The following GLIS1 variants were observed in gnomAD, a reference collection of about 807,000 sequenced individuals.
GLIS1 encodes the protein zinc finger protein GLIS1.
Under a neutral mutation model 63.8 loss-of-function variants are expected in GLIS1, and 24 were observed. The observed-to-expected ratio is 0.38, with a 90% CI of 0.27 to 0.53. The LOEUF is 0.53. GLIS1 is among the 20% of genes least tolerant of loss of function. GLIS1 has a pLI of 0.85. For missense variants in GLIS1, 1,036 were observed against 1,074.1 expected (o/e 0.96, Z 0.50); for synonymous variants, 450 against 482.5 (o/e 0.93, Z 0.88).
intron 2 of GLIS1, among the ~76,000 whole-genome samples, chr1:53,632,755 ATGAG>A (rs1645674101): frequency 7.3e-6 from 1 of 137,494 alleles, no homozygotes; most frequent in Non-Finnish European, 1.6e-5. Context: ...GGGCGTGTGT[ATGAG>A]TGTGACTGAG....
intron 4 of GLIS1, among the ~76,000 whole-genome samples, chr1:53,561,432 A>T (rs1221076679): frequency 6.6e-6 from 1 of 152,174 alleles, no homozygotes; most frequent in Admixed American, 6.5e-5. Context: ...AATCAGACCA[A>T]AGTGTGGGCA....
At chr1:53,705,400 G>A (rs1023378444) in intron 2 of GLIS1, among the ~76,000 whole-genome samples, 7 of 152,170 alleles carry the variant, frequency 4.6e-5, no homozygotes, top group Admixed American at 4.6e-4. Flanking sequence ...GGCAAGTGCT[G>A]ATCAATACAG....
At chr1:53,618,370 T>C (rs1224618768) in intron 2 of GLIS1, among the ~76,000 whole-genome samples, 1 of 152,204 alleles carries the variant, frequency 6.6e-6, no homozygotes, top group African/African-American at 2.4e-5. Flanking sequence ...AGAAGCCCTT[T>C]CTCTAAGATG....
chr1:53,677,475 T>C (rs1307376034), intron 2 of GLIS1, among the ~76,000 whole-genome samples: 3 of 152,216 alleles, frequency 2.0e-5, no homozygotes, highest in Admixed American at 2.0e-4. Flanking sequence ...CCTAAGCATG[T>C]TCCCAAAAGC....
At chr1:53,718,508 C>CA (rs1174597577) in intron 2 of GLIS1, among the ~76,000 whole-genome samples, 1 of 151,998 alleles carries the variant, frequency 6.6e-6, no homozygotes, top group African/African-American at 2.4e-5. Context: ...CTCAGGAAAA[C>CA]AAAAAATTGT....
In GLIS1 at chr1:53,506,759, C is replaced by T. The variant is rs1398434586; in HGVS notation, c.2248G>A (p.Glu750Lys). ...LPATGYEALA[E>K]ASCPTALPQQ... ...GGCAGCGCTGTGGGGCATGAGGCCT[C>T]AGCCAGGGCCTCATAGCCTGTGAGT... Residue 750 changes from glutamate to lysine, a missense_variant, in exon 11 of 11, where the codon GAG (glutamate) becomes AAG (lysine). Around this residue, in one of 3 missense-constraint regions of GLIS1, gnomAD observed 400 missense variants for 400.9 expected, o/e 1.00. Coordinates refer to ENST00000628545, the MANE Select transcript of GLIS1 (RefSeq NM_001367484.1). The T allele has an allele frequency of 6.2e-7, 1 of 1,611,276 alleles. No individual in the cohort carries two copies. The highest frequency in any genetic ancestry group is 1.7e-5 in the Admixed American group (1 of 60,028).
intron 2 of GLIS1, among the ~76,000 whole-genome samples, chr1:53,651,193 A>G (rs759679040): frequency 5.9e-5 from 9 of 152,334 alleles, no homozygotes; most frequent in Non-Finnish European, 4.4e-5. Flanking sequence ...TCATGTGCAC[A>G]TTGTTTGTGG....
intron 2 of GLIS1, among the ~76,000 whole-genome samples, chr1:53,694,618 C>T (rs1321374759): frequency 6.6e-6 from 1 of 152,206 alleles, no homozygotes; most frequent in Non-Finnish European, 1.5e-5. Flanking sequence ...GGGGTCCCAG[C>T]TCCACCTCCT....
At chr1:53,728,340 T>C (rs190496243) in intron 2 of GLIS1, among the ~76,000 whole-genome samples, 3 of 152,356 alleles carry the variant, frequency 2.0e-5, no homozygotes, top group African/African-American at 4.8e-5. Flanking sequence ...ATAATTATTA[T>C]AATCCCAAGA....
chr1:53,721,608 C>T (rs1197597612), intron 2 of GLIS1, among the ~76,000 whole-genome samples: 2 of 152,152 alleles, frequency 1.3e-5, no homozygotes, highest in African/African-American at 4.8e-5. Context: ...AGCTGCCTCT[C>T]TGGAGTGCGA....
rs908431804 is a variant in GLIS1, at chr1:53,666,675, G to A, written c.260-66397C>T. Among the ~76,000 whole-genome samples, 7 of 152,304 alleles carry A rather than the reference G, an allele frequency of 4.6e-5. No homozygotes were observed. The East Asian group carries it at 9.6e-4, about 21-fold the overall frequency. On this transcript the variant is annotated intron_variant, in intron 2 of 10. Transcript: ENST00000628545. ...CCCCAAAACCACCAGAAACACAGCA[G>A]AGAGAGGCAGTGAGCCCAGACAAGC...
intron 2 of GLIS1, among the ~76,000 whole-genome samples, chr1:53,709,294 T>G (rs1646613667): frequency 1.4e-5 from 2 of 141,726 alleles, no homozygotes; most frequent in South Asian, 4.7e-4. Context: ...TAGTATGAAG[T>G]AAATATAAAT....
At chr1:53,603,630 T>C (rs1422501787) in intron 2 of GLIS1, among the ~76,000 whole-genome samples, 1 of 152,186 alleles carries the variant, frequency 6.6e-6, no homozygotes, top group African/African-American at 2.4e-5. Flanking sequence ...TCCTGTTCAC[T>C]CTCCATCTCC....
At chr1:53,573,582 G>A (rs938098238) in intron 4 of GLIS1, among the ~76,000 whole-genome samples, 27 of 152,204 alleles carry the variant, frequency 1.8e-4, no homozygotes, top group African/African-American at 6.5e-4. Context: ...CTAACACACA[G>A]GAGGACACAT....
At chr1:53,583,923 T>A (rs761982702) in intron 4 of GLIS1, among the ~76,000 whole-genome samples, 6 of 152,188 alleles carry the variant, frequency 3.9e-5, no homozygotes, top group Non-Finnish European at 8.8e-5. Flanking sequence ...GGAGGCAGTT[T>A]CCGAAGGAGG....
At chr1:53,568,684 A>G (rs896799561) in intron 4 of GLIS1, among the ~76,000 whole-genome samples, 1 of 152,164 alleles carries the variant, frequency 6.6e-6, no homozygotes, top group Non-Finnish European at 1.5e-5. Flanking sequence ...AGTCCTCACA[A>G]GATCTAATCA....
intron 8 of GLIS1, 93 bp from the exon 9 acceptor site, chr1:53,510,120 G>A (rs1263096579): frequency 4.9e-6 from 3 of 615,692 alleles, no homozygotes; most frequent in Non-Finnish European, 7.2e-6. Flanking sequence ...TCCAGCGACG[G>A]GGAGCCCACT....
chr1:53,631,160 G>C (rs1354906626), intron 2 of GLIS1, among the ~76,000 whole-genome samples: 2 of 152,010 alleles, frequency 1.3e-5, no homozygotes, highest in East Asian at 3.8e-4. Context: ...GGTTTTTTTA[G>C]TTGCAATTAC....
chr1:53,565,483 AT>A (rs986233878), intron 4 of GLIS1, among the ~76,000 whole-genome samples: 2 of 151,948 alleles, frequency 1.3e-5, no homozygotes, highest in South Asian at 2.1e-4. Flanking sequence ...CGATGAAATA[AT>A]TTTTTTTAAA....
Sources: gnomAD v4.1 joint callset for allele counts (sites outside exome capture counted in the v4.1 genomes callset) on GRCh38, gnomAD v4.1.1 for gene constraint, gnomAD v4.1.1 regional missense constraint, MANE v1.5 for transcripts, NCBI Gene and HGNC (gene_info 2026-07-23, HGNC 2026-07-21) for gene names.